Variants in RTP3 observed in about 807,000 individuals in gnomAD.
The protein encoded by RTP3 is receptor-transporting protein 3.
In RTP3, 2 loss-of-function variants were observed where a neutral mutation model predicts 6.2. The observed-to-expected ratio is 0.32, with a 90% CI of 0.13 to 1.02. The LOEUF (loss-of-function observed/expected upper bound fraction) is 1.02, where lower values mean the gene tolerates loss of function less well. Ranked by LOEUF, RTP3 falls within the 50% of genes least tolerant of loss-of-function variation. The pLI, the probability that RTP3 is intolerant of heterozygous loss-of-function variation, is 0.47. For missense variants in RTP3, 252 were observed against 280.8 expected, an observed-to-expected ratio of 0.90 and a Z score of 0.73; for synonymous variants, 106 against 98.3, an observed-to-expected ratio of 1.08 and a Z score of -0.47.
chr3:46,499,794 T>A (rs961880985), intron 1 of RTP3, among the ~76,000 whole-genome samples: 2 of 152,010 alleles, frequency 1.3e-5, no homozygotes, highest in Admixed American at 1.3e-4. Flanking sequence ...CCAGGGACCC[T>A]CGGCAGCCAA....
rs747736960 is a variant in RTP3 at position 46,497,976 on chromosome 3, C to T, written c.-87C>T. 37 of 1,463,484 alleles carry T rather than the reference C, an allele frequency of 2.5e-5. No individual in the cohort carries two copies. The highest frequency in any genetic ancestry group is 5.1e-5 in the Admixed American group (3 of 58,746). The allele number at this position is 1,463,484 out of a possible 1,614,324, so 90.7% of individuals were successfully genotyped here. ...GGGAGGGCAGGTCTGAGTCCTTGCC[C>T]TCTGAAGTCAGAAACCTCATCTCCC... On this transcript the variant is annotated 5_prime_UTR_variant, in exon 1 of 2. Coordinates refer to ENST00000296142, the MANE Select transcript of RTP3 (RefSeq NM_031440.2).
intron 1 of RTP3, among the ~76,000 whole-genome samples, chr3:46,498,512 GC>G (rs1312900736): frequency 6.6e-6 from 1 of 152,166 alleles, no homozygotes; most frequent in Non-Finnish European, 1.5e-5. Flanking sequence ...AGGAAGGGCA[GC>G]TGTTGCACCC....
chr3:46,500,925 G>A lies in RTP3; in HGVS notation c.*26G>A. On this transcript the variant is annotated 3_prime_UTR_variant, in exon 2 of 2. Transcript: ENST00000296142. ...GCCTTGGAAACATGAAGCTAAGTCA[G>A]AAAAAAAATCAGATACAAAAAGTCA... The A allele has an allele frequency of 2.0e-6, 3 of 1,521,020 alleles. No individual in the cohort carries two copies. Among genetic ancestry groups the A allele is most frequent in the Admixed American group, 4.5e-5 (2 of 44,942 alleles). The allele number at this position is 1,521,020 out of a possible 1,614,324, so 94.2% of individuals were successfully genotyped here.
chr3:46,498,029 G>C lies in RTP3; in HGVS notation c.-34G>C. 1 of 1,613,420 alleles carries C rather than the reference G, an allele frequency of 6.2e-7. No homozygotes were observed. The highest frequency in any genetic ancestry group is 8.5e-7 in the Non-Finnish European group (1 of 1,179,668). On this transcript the variant is annotated 5_prime_UTR_variant, in exon 1 of 2. Coordinates refer to ENST00000296142, the MANE Select transcript of RTP3 (RefSeq NM_031440.2). ...TACAGACCTGCCAGGGCCCAGGAGA[G>C]CTCGACCCACCCAGGCACACCATAG...
rs1266789401 is a variant in RTP3 at position 46,500,802 on chromosome 3, A to G, written c.602A>G (p.Tyr201Cys). 1 of 1,614,028 alleles carries G rather than the reference A, an allele frequency of 6.2e-7. No homozygotes were observed. The highest frequency in any genetic ancestry group is 1.7e-5 in the Admixed American group (1 of 59,964). The change falls in exon 2 of 2, where the codon TAC becomes TGC. Residue 201 changes from tyrosine to cysteine, a missense_variant. Transcript: ENST00000296142. ...PWASGENVYS[Y>C]ACQNHICRNL... is the part of the protein sequence containing the mutation. Reference sequence around the variant, plus strand: ...GCCTCAGGAGAGAATGTCTATTCCTACGCATGCCAAAACCACATCTGTAGG... The same window carrying G: ...GCCTCAGGAGAGAATGTCTATTCCTGCGCATGCCAAAACCACATCTGTAGG...
At position 46,500,582 on chromosome 3, in the gene RTP3, A is replaced by C; in HGVS notation, c.382A>C (p.Arg128=). 6.2e-7 allele frequency: 1 copy of C among 1,614,230 alleles called. No homozygotes were observed. The highest frequency in any genetic ancestry group is 1.3e-5 in the African/African-American group (1 of 75,068). ...GTTCCGAATTCTGAAGAAATGCTAT[A>C]GAGGAAGATTTCAGTTGATAGAGGA... ...LVFRILKKCY[R]GRFQLIEEVP... is the part of the protein sequence containing the mutation. Residue 128 remains arginine (R), a synonymous_variant, in exon 2 of 2, where the codon AGA becomes CGA. Transcript: ENST00000296142.
At chr3:46,499,443 G>A (rs968542587) in intron 1 of RTP3, among the ~76,000 whole-genome samples, 5 of 152,234 alleles carry the variant, frequency 3.3e-5, no homozygotes, top group African/African-American at 7.2e-5. Flanking sequence ...CACGGCAAAG[G>A]GGCTGGGAAG....
Position 46,499,195 on chromosome 3 carries a change from C to T in RTP3, c.155+978C>T, listed in dbSNP as rs752198414. Among the ~76,000 whole-genome samples, 33 of 152,226 alleles carry T rather than the reference C, an allele frequency of 2.2e-4. 1 individual carries two copies. Among genetic ancestry groups the T allele is most frequent in the Admixed American group, 1.6e-3 (24 of 15,284 alleles). Reference sequence around the variant, plus strand: ...GGACTAACTCCCTCTTCCCAGCCCCCTCCAATTCACCACCTGCAGCCTAAT... The same window carrying T: ...GGACTAACTCCCTCTTCCCAGCCCCTTCCAATTCACCACCTGCAGCCTAAT... On this transcript the variant is annotated intron_variant, in intron 1 of 1. Transcript: ENST00000296142.
Position 46,500,443 on chromosome 3 carries a change from G to A in RTP3, c.243G>A (p.Arg81=). 5 of 1,614,202 alleles carry A rather than the reference G, an allele frequency of 3.1e-6. No homozygotes were observed. Among genetic ancestry groups the A allele is most frequent in the Non-Finnish European group, 3.4e-6 (4 of 1,180,048 alleles). Residue 81 remains arginine (R), a synonymous_variant, in exon 2 of 2, where the codon AGG becomes AGA. Coordinates refer to ENST00000296142, the MANE Select transcript of RTP3 (RefSeq NM_031440.2). ...FHMNWSEEKS[R]GQVKMRVFTQ... Reference sequence around the variant, plus strand: ...TGAACTGGAGTGAGGAGAAGTCCAGGGGCCAGGTGAAGATGAGGGTGTTTA... The same window carrying A: ...TGAACTGGAGTGAGGAGAAGTCCAGAGGCCAGGTGAAGATGAGGGTGTTTA...
In RTP3 at chr3:46,498,085, G is replaced by C. The variant is rs1703668388; in HGVS notation, c.23G>C (p.Trp8Ser). ...GAGATGGCTGGGGACACAGAAGTGT[G>C]GAAGCAAATGTTTCAGGAGTTAATG... is the stretch of plus-strand genomic sequence containing the variant. MAGDTEVWKQMFQELMRE... is the reference protein window; with the variant it reads MAGDTEVSKQMFQELMRE... Residue 8 changes from tryptophan (W) to serine (S), a missense_variant, in exon 1 of 2, where the codon TGG (tryptophan) becomes TCG (serine). Transcript: ENST00000296142. The C allele has an allele frequency of 6.2e-7, 1 of 1,614,058 alleles. No individual in the cohort carries two copies. The highest frequency in any genetic ancestry group is 1.3e-5 in the African/African-American group (1 of 74,906).
chr3:46,498,336 A>ATG, intron 1 of RTP3, 119 bp downstream of exon 1: 1 of 1,077,560 alleles, frequency 9.3e-7, no homozygotes, highest in Non-Finnish European at 1.4e-6. Context: ...GGGTAATAAG[A>ATG]TGCCCATCAT....
At chr3:46,498,759 G>A (rs1019691602) in intron 1 of RTP3, among the ~76,000 whole-genome samples, 5 of 152,194 alleles carry the variant, frequency 3.3e-5, no homozygotes, top group Admixed American at 3.3e-4. Context: ...TGGAAATGGG[G>A]AGCCCCAAGG....
intron 1 of RTP3, 36 bp downstream of exon 1, chr3:46,498,253 T>A (rs1703670133): frequency 1.9e-6 from 3 of 1,612,756 alleles, no homozygotes; most frequent in African/African-American, 1.3e-5. Flanking sequence ...TTCCAGAAAA[T>A]TCTTGCACAT....
chr3:46,498,226 G>T lies in RTP3; in HGVS notation c.155+9G>T. 1.2e-6 allele frequency: 2 copies of T among 1,614,164 alleles called. No individual in the cohort carries two copies. The highest frequency in any genetic ancestry group is 2.2e-5 in the East Asian group (1 of 44,886). Reference sequence around the variant, plus strand: ...CAGTGGACCTTCGCCAGGTGAGGGGGAATGTGATGGTACACGTTCCAGAAA... The same window carrying T: ...CAGTGGACCTTCGCCAGGTGAGGGGTAATGTGATGGTACACGTTCCAGAAA... On this transcript the variant is annotated intron_variant, in intron 1 of 1. Coordinates refer to ENST00000296142, the MANE Select transcript of RTP3 (RefSeq NM_031440.2).
chr3:46,498,111 C>T lies in RTP3; in HGVS notation c.49C>T (p.Arg17Trp), dbSNP rs752009052. 34 of 1,614,022 alleles carry T rather than the reference C, an allele frequency of 2.1e-5. No homozygotes were observed. In the South Asian group the frequency reaches 2.4e-4, roughly 11 times the overall value. ...GAAGCAAATGTTTCAGGAGTTAATG[C>T]GGGAGGTGAAGCCATGGCACAGGTG... ...VWKQMFQELM[R>W]EVKPWHRWTL... Residue 17 changes from arginine (R) to tryptophan (W), a missense_variant, in exon 1 of 2, where the codon CGG becomes TGG. Transcript: ENST00000296142.
In RTP3 at chr3:46,498,577, C is replaced by A. The variant is rs979452890; in HGVS notation, c.155+360C>A. ...GGAGACTGCTGGACCCACCTTGGAG[C>A]CCCTAGGAGGAGAGACTCACGGCAC... On this transcript the variant is annotated intron_variant, in intron 1 of 1. Transcript: ENST00000296142. Among the ~76,000 whole-genome samples the A allele has an allele frequency of 7.9e-5, 12 of 152,292 alleles. No individual in the cohort carries two copies. In the East Asian group the frequency reaches 2.3e-3, roughly 29 times the overall value.
At chr3:46,500,270 G>A (rs1198705261) in intron 1 of RTP3, 86 bp from the exon 2 acceptor site, 2 of 1,420,238 alleles carry the variant, frequency 1.4e-6, no homozygotes, top group African/African-American at 1.4e-5. Flanking sequence ...ATGTCTCTGT[G>A]CAGTCGGTAG....
intron 1 of RTP3, among the ~76,000 whole-genome samples, chr3:46,498,418 G>C (rs935871015): frequency 3.3e-5 from 5 of 152,216 alleles, no homozygotes; most frequent in Non-Finnish European, 7.3e-5. Context: ...GAGCAGGCCT[G>C]AGCACCCTTG....
rs769535750 is a variant in RTP3, at chr3:46,498,059, A to G, written c.-4A>G. 5.5e-5 allele frequency: 89 copies of G among 1,614,006 alleles called. No homozygotes were observed. The highest frequency in any genetic ancestry group is 7.1e-5 in the Non-Finnish European group (84 of 1,180,030). Reference sequence around the variant, plus strand: ...ACCCACCCAGGCACACCATAGCCCCAGAGATGGCTGGGGACACAGAAGTGT... The same window carrying G: ...ACCCACCCAGGCACACCATAGCCCCGGAGATGGCTGGGGACACAGAAGTGT... On this transcript the variant is annotated 5_prime_UTR_variant, in exon 1 of 2. Coordinates refer to ENST00000296142, the MANE Select transcript of RTP3 (RefSeq NM_031440.2).
Sources: gnomAD v4.1 joint callset for allele counts (sites outside exome capture counted in the v4.1 genomes callset) on GRCh38, gnomAD v4.1.1 for gene constraint, MANE v1.5 for transcripts, NCBI Gene and HGNC (gene_info 2026-07-23, HGNC 2026-07-21) for gene names.